OR10J1: variants seen among roughly 807,000 people sequenced by gnomAD.
OR10J1 encodes the protein olfactory receptor family 10 subfamily J member 1, also known as olfactory receptor 10J1.
For missense variants in OR10J1, 474 were observed against 376.6 expected (o/e 1.26, Z -2.14); for synonymous variants, 202 against 143.8 (o/e 1.40, Z -2.89).
chr1:159,437,814 G>C (rs1655781593), upstream of OR10J1: 1 of 152,248 alleles, frequency 6.6e-6, no homozygotes, highest in African/African-American at 2.4e-5. Flanking sequence ...CACACAGAGG[G>C]GTTATCAAGA....
At position 159,440,324 on chromosome 1, in the gene OR10J1, G is replaced by C; in HGVS notation, c.533G>C (p.Cys178Ser). The C allele has an allele frequency of 6.2e-7, 1 of 1,614,180 alleles. No individual in the cohort carries two copies. The highest frequency in any genetic ancestry group is 1.3e-5 in the African/African-American group (1 of 75,048). Residue 178 changes from cysteine to serine, a missense_variant, in exon 1 of 1, where the codon TGT (cysteine) becomes TCT (serine). By Grantham distance (112) the Cys-to-Ser change is moderately radical. Transcript: ENST00000423932. ...FCARKVPHFFCDIRPVMKLSC... is the reference protein window; with the variant it reads ...FCARKVPHFFSDIRPVMKLSC... Reference sequence around the variant, plus strand: ...GCTAGAAAGGTGCCCCACTTCTTCTGTGACATCCGCCCTGTGATGAAGCTC... The same window carrying C: ...GCTAGAAAGGTGCCCCACTTCTTCTCTGACATCCGCCCTGTGATGAAGCTC...
upstream of OR10J1, among the ~76,000 whole-genome samples, chr1:159,433,963 C>A (rs777020486): frequency 5.3e-5 from 8 of 152,066 alleles, no homozygotes; most frequent in Non-Finnish European, 1.2e-4. Context: ...GAAGGTAGCT[C>A]TTCTCTCATT....
the OR10J1 span, among the ~76,000 whole-genome samples, chr1:159,423,635 G>A: frequency 2.0e-5 from 3 of 152,144 alleles, no homozygotes; most frequent in East Asian, 5.8e-4. Context: ...AGACAATGAG[G>A]AGATTAAGAA....
At chr1:159,434,689 G>A (rs1200651486), upstream of OR10J1, among the ~76,000 whole-genome samples, 1 of 152,152 alleles carries the variant, frequency 6.6e-6, no homozygotes, top group Admixed American at 6.6e-5. Flanking sequence ...GTCCTGTTAT[G>A]ATACTTAACC....
At chr1:159,407,819 T>C in the OR10J1 span, among the ~76,000 whole-genome samples, 6 of 152,152 alleles carry the variant, frequency 3.9e-5, no homozygotes, top group African/African-American at 1.4e-4. Flanking sequence ...ATGAATTCAA[T>C]AGCTAGTACA....
the OR10J1 span, among the ~76,000 whole-genome samples, chr1:159,404,355 C>T: frequency 5.3e-5 from 8 of 151,908 alleles, no homozygotes; most frequent in South Asian, 6.2e-4. Flanking sequence ...ATATAGACTC[C>T]GGGAAAGGAA....
At chr1:159,433,215 G>A (rs1427172990), upstream of OR10J1, 1 of 397,300 alleles carries the variant, frequency 2.5e-6, no homozygotes. Context: ...TAAGATGAGA[G>A]ATACTGTGAA....
chr1:159,407,408 G>A, the OR10J1 span, among the ~76,000 whole-genome samples: 156 of 152,188 alleles, frequency 1.0e-3, no homozygotes, highest in Admixed American at 2.0e-3. Context: ...CTTCTTTACA[G>A]AGTCATTGTG....
chr1:159,435,259 G>C (rs903121377), upstream of OR10J1, among the ~76,000 whole-genome samples: 5 of 152,060 alleles, frequency 3.3e-5, no homozygotes, highest in Non-Finnish European at 5.9e-5. Flanking sequence ...TTACTGACCT[G>C]CCAAATACAT....
chr1:159,438,954 T>C (rs1356910839), upstream of OR10J1, among the ~76,000 whole-genome samples: 2 of 152,194 alleles, frequency 1.3e-5, no homozygotes, highest in Non-Finnish European at 2.9e-5. Context: ...GATACAATTG[T>C]TTATCTCTGC....
the OR10J1 span, among the ~76,000 whole-genome samples, chr1:159,428,679 T>C: frequency 2.0e-5 from 3 of 152,312 alleles, no homozygotes; most frequent in Admixed American, 2.0e-4. Flanking sequence ...CGTAAATTCA[T>C]CTCTTGCCTG....
the OR10J1 span, among the ~76,000 whole-genome samples, chr1:159,423,698 G>C: frequency 6.6e-6 from 1 of 152,084 alleles, no homozygotes; most frequent in African/African-American, 2.4e-5. Context: ...TTCCTTCTTT[G>C]ACTCCCACAA....
chr1:159,412,047 A>T, the OR10J1 span, among the ~76,000 whole-genome samples: 1 of 152,206 alleles, frequency 6.6e-6, no homozygotes, highest in Admixed American at 6.6e-5. Context: ...CCAATAACAG[A>T]CAAACAGAGA....
the OR10J1 span, among the ~76,000 whole-genome samples, chr1:159,431,515 G>C: frequency 6.6e-6 from 1 of 152,180 alleles, no homozygotes; most frequent in Non-Finnish European, 1.5e-5. Flanking sequence ...TGTGCCATTG[G>C]TGATTTAAAC....
Position 159,440,181 on chromosome 1 carries a change from G to A in OR10J1, c.390G>A (p.Leu130=). 6.2e-7 allele frequency: 1 copy of A among 1,614,126 alleles called. No individual in the cohort carries two copies. Among genetic ancestry groups the A allele is most frequent in the Non-Finnish European group, 8.5e-7 (1 of 1,180,026 alleles). Residue 130 remains leucine, a synonymous_variant, in exon 1 of 1, where the codon CTG becomes CTA. Coordinates refer to ENST00000423932, the MANE Select transcript of OR10J1 (RefSeq NM_012351.3). Reference sequence around the variant, plus strand: ...GCTATGTGGCCATCTGCAACCCCCTGAGATACATGGTTATTATGAACAAGA... The same window carrying A: ...GCTATGTGGCCATCTGCAACCCCCTAAGATACATGGTTATTATGAACAAGA... ...YDRYVAICNP[L]RYMVIMNKRL...
chr1:159,408,098 T>G, the OR10J1 span, among the ~76,000 whole-genome samples: 1 of 151,958 alleles, frequency 6.6e-6, no homozygotes, highest in African/African-American at 2.4e-5. Flanking sequence ...GCAGGCAGCA[T>G]CAAGTATGAG....
chr1:159,438,632 C>A (rs1163089903), upstream of OR10J1, among the ~76,000 whole-genome samples: 1 of 152,202 alleles, frequency 6.6e-6, no homozygotes, highest in Non-Finnish European at 1.5e-5. Context: ...TGATTAACAG[C>A]TGGTCATCAA....
chr1:159,403,921 A>T, the OR10J1 span, among the ~76,000 whole-genome samples: 51 of 152,224 alleles, frequency 3.4e-4, no homozygotes, highest in Middle Eastern at 6.8e-3. Flanking sequence ...CAATGTAGTA[A>T]TGTTCAGCCA....
chr1:159,412,047 A>G, the OR10J1 span, among the ~76,000 whole-genome samples: 1 of 152,088 alleles, frequency 6.6e-6, no homozygotes, highest in African/African-American at 2.4e-5. Flanking sequence ...CCAATAACAG[A>G]CAAACAGAGA....
Sources: gnomAD v4.1 joint callset for allele counts (sites outside exome capture counted in the v4.1 genomes callset) on GRCh38, gnomAD v4.1.1 for gene constraint, MANE v1.5 for transcripts, NCBI Gene and HGNC (gene_info 2026-07-23, HGNC 2026-07-21) for gene names.